Variants in ABTB3 observed in about 807,000 individuals in gnomAD.
The protein encoded by ABTB3 is ankyrin repeat- and BTB/POZ domain-containing protein 3.
At chr12:107,407,744 G>A in the ABTB3 span, among the ~76,000 whole-genome samples, 1 of 152,170 alleles carries the variant, frequency 6.6e-6, no homozygotes, top group Non-Finnish European at 1.5e-5. Flanking sequence ...ACATTAATAG[G>A]ATCTATTGGG....
At chr12:107,485,013 G>C in the ABTB3 span, among the ~76,000 whole-genome samples, 2 of 152,136 alleles carry the variant, frequency 1.3e-5, no homozygotes, top group Admixed American at 6.5e-5. Context: ...CTGAGATGGA[G>C]AGACTATGGA....
chr12:107,450,342 GGAGAA>G, the ABTB3 span, among the ~76,000 whole-genome samples: 1 of 152,074 alleles, frequency 6.6e-6, no homozygotes, highest in Non-Finnish European at 1.5e-5. Context: ...CAAACTAAAT[GGAGAA>G]GAGAAGTACA....
At chr12:107,608,668 G>A in the ABTB3 span, among the ~76,000 whole-genome samples, 1 of 151,970 alleles carries the variant, frequency 6.6e-6, no homozygotes, top group African/African-American at 2.4e-5. Context: ...CCAGGAGTTC[G>A]AGAGCAGCCT....
the ABTB3 span, among the ~76,000 whole-genome samples, chr12:107,453,436 C>A: frequency 6.6e-6 from 1 of 151,954 alleles, no homozygotes; most frequent in Non-Finnish European, 1.5e-5. Flanking sequence ...TAAAAGAGAC[C>A]CCAGAGACCT....
the ABTB3 span, among the ~76,000 whole-genome samples, chr12:107,364,958 G>A: frequency 6.6e-6 from 1 of 152,138 alleles, no homozygotes; most frequent in Non-Finnish European, 1.5e-5. Context: ...GGTAGTAGGT[G>A]TTGCTCTCTG....
chr12:107,609,669 G>A, the ABTB3 span, among the ~76,000 whole-genome samples: 2 of 152,190 alleles, frequency 1.3e-5, no homozygotes, highest in Non-Finnish European at 2.9e-5. Context: ...CAGGCAGTCC[G>A]ACAAATAAAC....
chr12:107,470,829 G>A, the ABTB3 span, among the ~76,000 whole-genome samples: 1 of 152,176 alleles, frequency 6.6e-6, no homozygotes, highest in Non-Finnish European at 1.5e-5. Context: ...AACGGAGAAG[G>A]TGCCAAGCCA....
the ABTB3 span, among the ~76,000 whole-genome samples, chr12:107,424,063 G>A: frequency 2.0e-5 from 3 of 152,214 alleles, no homozygotes; most frequent in Admixed American, 6.5e-5. Flanking sequence ...GCCACGTGAC[G>A]TGGGAGGACT....
the ABTB3 span, among the ~76,000 whole-genome samples, chr12:107,599,672 G>A: frequency 2.0e-5 from 3 of 152,178 alleles, no homozygotes; most frequent in African/African-American, 4.8e-5. Flanking sequence ...CCTTTTCCAC[G>A]ACAGCCTTGT....
the ABTB3 span, among the ~76,000 whole-genome samples, chr12:107,478,919 C>T: frequency 1.3e-5 from 2 of 152,098 alleles, no homozygotes; most frequent in South Asian, 4.1e-4. Context: ...CTTTGATCTG[C>T]CCGAACCTTC....
the ABTB3 span, chr12:107,640,302 C>G: frequency 6.7e-7 from 1 of 1,489,282 alleles, no homozygotes; most frequent in African/African-American, 1.4e-5. Flanking sequence ...TTTCCCTTTC[C>G]TATTCCAGAT....
At chr12:107,439,202 T>C in the ABTB3 span, among the ~76,000 whole-genome samples, 1 of 152,310 alleles carries the variant, frequency 6.6e-6, no homozygotes, top group East Asian at 1.9e-4. Context: ...TGCTTTTTTT[T>C]TCTTCTTCTA....
chr12:107,496,841 G>A, the ABTB3 span, among the ~76,000 whole-genome samples: 3 of 152,040 alleles, frequency 2.0e-5, no homozygotes, highest in African/African-American at 7.3e-5. Flanking sequence ...ATTTAAACTG[G>A]GGCAGCCTGG....
chr12:107,343,168 C>A, the ABTB3 span, among the ~76,000 whole-genome samples: 4 of 152,098 alleles, frequency 2.6e-5, no homozygotes, highest in Middle Eastern at 3.2e-3. Flanking sequence ...GTGCACACCA[C>A]CACACCTGGC....
the ABTB3 span, among the ~76,000 whole-genome samples, chr12:107,591,126 C>T: frequency 6.6e-6 from 1 of 152,190 alleles, no homozygotes; most frequent in Non-Finnish European, 1.5e-5. Flanking sequence ...TCAGTGTGTA[C>T]ATGCCATTTC....
the ABTB3 span, among the ~76,000 whole-genome samples, chr12:107,528,982 GTGA>G: frequency 1.3e-5 from 2 of 150,496 alleles, no homozygotes; most frequent in Admixed American, 1.3e-4. Flanking sequence ...GATGATTTTG[GTGA>G]TGATGATGGT....
the ABTB3 span, among the ~76,000 whole-genome samples, chr12:107,518,136 A>G: frequency 6.6e-6 from 1 of 152,222 alleles, no homozygotes; most frequent in Non-Finnish European, 1.5e-5. Context: ...GATGTGGAGA[A>G]ATAGGAACAT....
chr12:107,605,451 C>T, the ABTB3 span, among the ~76,000 whole-genome samples: 2 of 152,166 alleles, frequency 1.3e-5, no homozygotes, highest in Admixed American at 1.3e-4. Context: ...GAAGGACCTT[C>T]CAGGGAGAGG....
the ABTB3 span, among the ~76,000 whole-genome samples, chr12:107,593,411 G>T: frequency 6.6e-6 from 1 of 152,288 alleles, no homozygotes; most frequent in African/African-American, 2.4e-5. Context: ...CTAGAAATTT[G>T]CCCTAACACT....
Sources: gnomAD v4.1 joint callset for allele counts (sites outside exome capture counted in the v4.1 genomes callset) on GRCh38, gnomAD v4.1.1 for gene constraint, MANE v1.5 for transcripts, NCBI Gene and HGNC (gene_info 2026-07-23, HGNC 2026-07-21) for gene names.